The following CDH18 variants were observed in gnomAD, a reference collection of about 807,000 sequenced individuals.
CDH18 encodes cadherin 18.
A neutral mutation model predicts 67.9 loss-of-function variants in CDH18; 31 were observed. The observed-to-expected ratio is 0.46, with a 90% CI of 0.34 to 0.62. CDH18 has a LOEUF of 0.62. Among genes scored for constraint, CDH18 ranks in the 20% least tolerant of loss-of-function variants. The pLI, the probability that CDH18 is intolerant of heterozygous loss-of-function variation, is 0.01. For missense variants in CDH18, 890 were observed against 975.5 expected, an observed-to-expected ratio of 0.91 and a Z score of 1.17; for synonymous variants, 362 against 347.2, an observed-to-expected ratio of 1.04 and a Z score of -0.48.
chr5:19,686,852 G>A (rs750488775), intron 5 of CDH18, among the ~76,000 whole-genome samples: 1 of 152,076 alleles, frequency 6.6e-6, no homozygotes, highest in Non-Finnish European at 1.5e-5. Flanking sequence ...TTATATGCTA[G>A]TATTGAGAAT....
At chr5:20,502,269 TATAG>T in intron 1 of CDH18, among the ~76,000 whole-genome samples, 1 of 152,318 alleles carries the variant, frequency 6.6e-6, no homozygotes, top group Middle Eastern at 3.4e-3. Flanking sequence ...AGATTGATGC[TATAG>T]ATAAATATGC....
intron 1 of CDH18, among the ~76,000 whole-genome samples, chr5:20,518,579 C>G (rs1241366929): frequency 1.3e-5 from 2 of 152,086 alleles, no homozygotes; most frequent in African/African-American, 4.8e-5. Flanking sequence ...ATGGACTAAG[C>G]ATTTTGTAGT....
At chr5:19,924,343 A>T (rs1160639731) in intron 2 of CDH18, among the ~76,000 whole-genome samples, 1 of 152,094 alleles carries the variant, frequency 6.6e-6, no homozygotes, top group Non-Finnish European at 1.5e-5. Context: ...AGCTTTTTAA[A>T]AATAGGACTT....
chr5:20,125,908 A>C (rs1748780930), intron 2 of CDH18, among the ~76,000 whole-genome samples: 1 of 152,168 alleles, frequency 6.6e-6, no homozygotes, highest in Non-Finnish European at 1.5e-5. Flanking sequence ...CTACCAATTC[A>C]ATGCAAACCC....
chr5:19,970,747 G>T (rs151126885), intron 2 of CDH18, among the ~76,000 whole-genome samples: 2 of 150,376 alleles, frequency 1.3e-5, no homozygotes, highest in Admixed American at 6.6e-5. Flanking sequence ...TATTTATACC[G>T]TAAAATAATA....
In CDH18 at chr5:19,473,344, G is replaced by T. The variant is rs148398791; in HGVS notation, c.2255C>A (p.Ser752Ter). 6.2e-7 allele frequency: 1 copy of T among 1,613,850 alleles called. No individual in the cohort carries two copies. The highest frequency in any genetic ancestry group is 8.5e-7 in the Non-Finnish European group (1 of 1,179,882). ...GQRSEAGSIS[S>*]LDSATTQSDQ... Reference sequence around the variant, plus strand: ...TGATTGTGTCGTTGCTGAATCCAGCGAGCTGATAGACCCAGCTTCTGATCT... The same window carrying T: ...TGATTGTGTCGTTGCTGAATCCAGCTAGCTGATAGACCCAGCTTCTGATCT... The change falls in exon 13 of 13, where the codon TCG (serine) becomes TAG (stop). Residue 752 changes from serine (S) to a stop codon, truncating the protein, a stop_gained. Coordinates refer to ENST00000382275, the MANE Select transcript of CDH18 (RefSeq NM_004934.5). LOFTEE classifies it high-confidence loss of function.
intron 1 of CDH18, among the ~76,000 whole-genome samples, chr5:20,277,498 T>C (rs1039555230): frequency 6.6e-6 from 1 of 152,042 alleles, no homozygotes; most frequent in African/African-American, 2.4e-5. Context: ...GAAACTTAGA[T>C]TACAACACCC....
intron 1 of CDH18, among the ~76,000 whole-genome samples, chr5:20,358,664 T>C (rs1741827817): frequency 6.6e-6 from 1 of 152,088 alleles, no homozygotes; most frequent in South Asian, 2.1e-4. Flanking sequence ...AAGTTACAGG[T>C]TTTTTTAAGG....
intron 2 of CDH18, among the ~76,000 whole-genome samples, chr5:20,071,927 G>A (rs892895295): frequency 5.9e-5 from 8 of 135,786 alleles, no homozygotes; most frequent in Non-Finnish European, 9.9e-5. Context: ...CTAAAGAGAA[G>A]CCATTGTGTA....
intron 2 of CDH18, among the ~76,000 whole-genome samples, chr5:19,843,385 G>T (rs1019186413): frequency 1.6e-4 from 24 of 152,212 alleles, no homozygotes; most frequent in African/African-American, 5.5e-4. Flanking sequence ...GAAGCACCAG[G>T]TGGCTTCTAC....
intron 3 of CDH18, among the ~76,000 whole-genome samples, chr5:19,836,648 G>T (rs1781672796): frequency 6.6e-6 from 1 of 152,060 alleles, no homozygotes; most frequent in South Asian, 2.1e-4. Context: ...AGCTTCTTTT[G>T]CTGTGCAGAG....
chr5:20,344,229 G>GA (rs1561989997), intron 1 of CDH18, among the ~76,000 whole-genome samples: 2 of 152,062 alleles, frequency 1.3e-5, no homozygotes, highest in African/African-American at 4.8e-5. Context: ...GTTCTCAGGT[G>GA]AAAATCTGCT....
intron 10 of CDH18, among the ~76,000 whole-genome samples, chr5:19,509,367 C>G (rs1256179879): frequency 6.6e-6 from 1 of 152,056 alleles, no homozygotes; most frequent in African/African-American, 2.4e-5. Flanking sequence ...GTAATGCATA[C>G]ACTACAGGCC....
At chr5:19,785,205 ATC>A (rs1332228939) in intron 3 of CDH18, among the ~76,000 whole-genome samples, 1 of 152,186 alleles carries the variant, frequency 6.6e-6, no homozygotes, top group Non-Finnish European at 1.5e-5. Context: ...AAAGAATGGT[ATC>A]TGTCATAGAA....
chr5:19,696,243 G>T (rs2150448799), intron 5 of CDH18, among the ~76,000 whole-genome samples: 1 of 34,476 alleles, frequency 2.9e-5, no homozygotes, highest in East Asian at 1.7e-3. Context: ...GTGTGTGTGT[G>T]TGTGTGTGTG....
chr5:20,350,683 A>G (rs1741095058), intron 1 of CDH18, among the ~76,000 whole-genome samples: 1 of 152,132 alleles, frequency 6.6e-6, no homozygotes, highest in Non-Finnish European at 1.5e-5. Flanking sequence ...TCTGTTTAAG[A>G]ATCTATATGA....
At chr5:20,408,195 C>T (rs995928329) in intron 1 of CDH18, among the ~76,000 whole-genome samples, 5 of 151,756 alleles carry the variant, frequency 3.3e-5, no homozygotes, top group African/African-American at 4.8e-5. Flanking sequence ...AGACTTTCCC[C>T]GGTAAATAAA....
intron 1 of CDH18, among the ~76,000 whole-genome samples, chr5:20,349,410 C>T (rs964101776): frequency 6.6e-6 from 1 of 151,902 alleles, no homozygotes; most frequent in Non-Finnish European, 1.5e-5. Context: ...CTTTTTTTGC[C>T]TCTAATCTTC....
chr5:19,835,271 A>G (rs1216125112), intron 3 of CDH18, among the ~76,000 whole-genome samples: 1 of 152,094 alleles, frequency 6.6e-6, no homozygotes, highest in Non-Finnish European at 1.5e-5. Flanking sequence ...TAACACAGGA[A>G]CAGAAAACCA....
Sources: allele counts gnomAD v4.1 joint callset (sites outside exome capture counted in the v4.1 genomes callset), GRCh38; gene constraint gnomAD v4.1.1; transcripts MANE v1.5; gene names NCBI Gene and HGNC (gene_info 2026-07-23, HGNC 2026-07-21).